The following SLC35F4 variants were observed in gnomAD, a reference collection of about 807,000 sequenced individuals.
SLC35F4 encodes solute carrier family 35 member F4.
In SLC35F4, 24 loss-of-function variants were observed where a neutral mutation model predicts 44.2. The ratio of observed to expected loss-of-function variants is 0.54; its 90% CI spans 0.39 to 0.76. The LOEUF (loss-of-function observed/expected upper bound fraction) is 0.76. Among genes scored for constraint, SLC35F4 ranks in the 30% least tolerant of loss-of-function variants. The pLI is 0.00. For synonymous variants in SLC35F4, 238 were observed against 223.6 expected, an observed-to-expected ratio of 1.06 and a Z score of -0.57; for missense variants, 562 against 586.1, an observed-to-expected ratio of 0.96 and a Z score of 0.42.
chr14:57,688,256 A>T (rs2075125347), intron 1 of SLC35F4, among the ~76,000 whole-genome samples: 1 of 152,136 alleles, frequency 6.6e-6, no homozygotes, highest in Admixed American at 6.6e-5. Flanking sequence ...GTATTGGTTA[A>T]TTTTTTGTTC....
intron 1 of SLC35F4, among the ~76,000 whole-genome samples, chr14:57,670,902 CTTT>C (rs35951590): frequency 9.3e-5 from 10 of 107,344 alleles, no homozygotes; most frequent in Admixed American, 9.0e-4. Flanking sequence ...CTCATTCATT[CTTT>C]TTTTTTTTTT....
At chr14:57,695,933 T>C (rs2075370869) in intron 1 of SLC35F4, among the ~76,000 whole-genome samples, 1 of 152,094 alleles carries the variant, frequency 6.6e-6, no homozygotes, top group Non-Finnish European at 1.5e-5. Flanking sequence ...AAAAATTAAC[T>C]CAGGATGGAT....
At chr14:57,826,987 A>G (rs1883845085) in intron 1 of SLC35F4, among the ~76,000 whole-genome samples, 1 of 152,196 alleles carries the variant, frequency 6.6e-6, no homozygotes, top group Non-Finnish European at 1.5e-5. Flanking sequence ...ATACCATTTG[A>G]CCCAGCAATC....
intron 1 of SLC35F4, among the ~76,000 whole-genome samples, chr14:57,827,730 T>C (rs1407171397): frequency 6.6e-6 from 1 of 151,884 alleles, no homozygotes; most frequent in African/African-American, 2.4e-5. Context: ...GCCAATACTT[T>C]GGTGATTTTT....
chr14:57,827,459 G>A (rs1051802634), intron 1 of SLC35F4, among the ~76,000 whole-genome samples: 4 of 152,086 alleles, frequency 2.6e-5, no homozygotes, highest in African/African-American at 9.7e-5. Context: ...GTTTACCTGT[G>A]TCTTATGTAA....
chr14:57,689,027 C>T (rs1337472825), intron 1 of SLC35F4, among the ~76,000 whole-genome samples: 2 of 152,092 alleles, frequency 1.3e-5, no homozygotes, highest in Admixed American at 6.6e-5. Context: ...AATAAGAAAT[C>T]TCTTTATAAA....
chr14:57,581,529 C>T, intron 3 of SLC35F4, 96 bp from the exon 4 acceptor site: 2 of 1,018,966 alleles, frequency 2.0e-6, no homozygotes, highest in Non-Finnish European at 2.9e-6. Flanking sequence ...AGAGCACAAA[C>T]ACTCAATACC....
intron 1 of SLC35F4, among the ~76,000 whole-genome samples, chr14:57,764,325 G>A (rs765435085): frequency 1.3e-5 from 2 of 152,012 alleles, no homozygotes; most frequent in South Asian, 2.1e-4. Flanking sequence ...AAAAAAAAGA[G>A]AGCCACTTTG....
At chr14:57,730,041 T>C (rs867724854) in intron 1 of SLC35F4, among the ~76,000 whole-genome samples, 5 of 152,114 alleles carry the variant, frequency 3.3e-5, no homozygotes, top group African/African-American at 9.7e-5. Context: ...TCCCTCCCCA[T>C]AGGGCACAGA....
chr14:57,866,400 G>A (rs1204667128), upstream of SLC35F4, among the ~76,000 whole-genome samples: 2 of 152,168 alleles, frequency 1.3e-5, no homozygotes, highest in Admixed American at 6.5e-5. Flanking sequence ...GTCCACGCTT[G>A]GCGTCTACAC....
intron 1 of SLC35F4, among the ~76,000 whole-genome samples, chr14:57,684,116 T>A (rs1290515356): frequency 6.6e-6 from 1 of 152,150 alleles, no homozygotes; most frequent in Non-Finnish European, 1.5e-5. Context: ...CTCTGCCTTC[T>A]AGGGGAGCCA....
At chr14:57,630,630 A>G (rs1466260632) in intron 1 of SLC35F4, 6 of 767,028 alleles carry the variant, frequency 7.8e-6, no homozygotes, top group Middle Eastern at 2.7e-4. Flanking sequence ...ATCACAGTCT[A>G]TGTTTAGGTC....
chr14:57,641,561 A>ATT (rs1443028048), intron 1 of SLC35F4, among the ~76,000 whole-genome samples: 2 of 152,044 alleles, frequency 1.3e-5, no homozygotes, highest in African/African-American at 4.8e-5. Flanking sequence ...CTCAAGACTT[A>ATT]AACCTCCAAA....
rs190322374 is a variant in SLC35F4, at chr14:57,765,950, G to A, written c.103+99773C>T. Among the ~76,000 whole-genome samples, 18 of 152,284 alleles carry A rather than the reference G, an allele frequency of 1.2e-4. No individual in the cohort carries two copies. In the East Asian group the frequency reaches 2.7e-3, roughly 23 times the overall value. Reference sequence around the variant, plus strand: ...CCCTAGCCATGTTGAAGCAGGCCACGTATTAAGTGAGGAGAGGTATCAGTA... The same window carrying A: ...CCCTAGCCATGTTGAAGCAGGCCACATATTAAGTGAGGAGAGGTATCAGTA... On this transcript the variant is annotated intron_variant, in intron 1 of 7. Coordinates refer to ENST00000556826, the MANE Select transcript of SLC35F4 (RefSeq NM_001306087.2).
At chr14:57,913,074 A>G (rs1889248195) in intron 1 of SLC35F4, among the ~76,000 whole-genome samples, 2 of 152,086 alleles carry the variant, frequency 1.3e-5, no homozygotes, top group African/African-American at 4.8e-5. Context: ...TGGAAAATTA[A>G]TGTACCCACT....
At position 57,816,703 on chromosome 14, in the gene SLC35F4, C is replaced by T. The variant is rs578107349; in HGVS notation, c.103+49020G>A. Among the ~76,000 whole-genome samples, 8 of 152,274 alleles carry T rather than the reference C, an allele frequency of 5.3e-5. No individual in the cohort carries two copies. In the East Asian group the frequency reaches 1.4e-3, roughly 26 times the overall value. On this transcript the variant is annotated intron_variant, in intron 1 of 7. Coordinates refer to ENST00000556826, the MANE Select transcript of SLC35F4 (RefSeq NM_001306087.2). ...AGCACAAAATTTAAGAAAGTACTCA[C>T]TTTTGGGATTGTATAAGCAGAGTCA... is the stretch of plus-strand genomic sequence containing the variant.
intron 1 of SLC35F4, chr14:57,630,444 G>A (rs772989286): frequency 3.6e-5 from 27 of 740,080 alleles, no homozygotes; most frequent in African/African-American, 1.4e-4. Flanking sequence ...TCAAGATCAC[G>A]GTCCAAGTCC....
intron 1 of SLC35F4, among the ~76,000 whole-genome samples, chr14:57,763,639 T>G (rs75279295): frequency 0.038 from 5,785 of 152,270 alleles, 122 homozygotes; most frequent in Non-Finnish European, 0.052. Flanking sequence ...CAGTATACAA[T>G]TATAGTTAAT....
chr14:57,934,085 A>T (rs1284549853), intron 1 of SLC35F4, among the ~76,000 whole-genome samples: 1 of 152,096 alleles, frequency 6.6e-6, no homozygotes, highest in Non-Finnish European at 1.5e-5. Flanking sequence ...ATTTTTTAAA[A>T]AGTTTTAAAA....
Sources: gnomAD v4.1 joint callset for allele counts (sites outside exome capture counted in the v4.1 genomes callset) on GRCh38, gnomAD v4.1.1 for gene constraint, MANE v1.5 for transcripts, NCBI Gene and HGNC (gene_info 2026-07-23, HGNC 2026-07-21) for gene names.